The following SNX29 variants were observed in gnomAD, a reference collection of about 807,000 sequenced individuals.
SNX29 encodes sorting nexin 29, also known as sorting nexin-29.
In SNX29, 78 loss-of-function variants were observed where a neutral mutation model predicts 102.1. That is an observed-to-expected ratio of 0.76 (90% CI 0.64 to 0.92). The LOEUF (loss-of-function observed/expected upper bound fraction) is 0.92, where lower values mean the gene tolerates loss of function less well. SNX29 is among the 40% of genes least tolerant of loss of function. SNX29 has a pLI of 0.00. For missense variants in SNX29, 1,280 were observed against 1,061.7 expected (o/e 1.21, Z -2.86); for synonymous variants, 580 against 414.5 (o/e 1.40, Z -4.85).
Position 12,409,256 on chromosome 16 carries a change from G to A in SNX29, c.2037+5727G>A, listed in dbSNP as rs1208826934. On this transcript the variant is annotated intron_variant, in intron 18 of 20. Transcript: ENST00000566228. ...CTCAATCCAGTACCTTGTTTTGCTG[G>A]GTTTTTCTCTTTCTCTTGTTAACAC... Among the ~76,000 whole-genome samples the A allele has an allele frequency of 2.0e-5, 3 of 152,150 alleles. No homozygotes were observed. The East Asian group carries it at 5.8e-4, about 29-fold the overall frequency.
At chr16:12,555,468 T>A (rs981484172) in intron 20 of SNX29, among the ~76,000 whole-genome samples, 1 of 151,130 alleles carries the variant, frequency 6.6e-6, no homozygotes, top group Non-Finnish European at 1.5e-5. Flanking sequence ...CTAGTTGACA[T>A]GTCTGAGGAC....
At chr16:12,017,054 G>A (rs994942590) in intron 3 of SNX29, among the ~76,000 whole-genome samples, 5 of 152,242 alleles carry the variant, frequency 3.3e-5, no homozygotes, top group Non-Finnish European at 5.9e-5. Flanking sequence ...ACTGGGACCC[G>A]GGAGGTCGAG....
At chr16:12,562,008 C>T (rs1215239865) in intron 20 of SNX29, among the ~76,000 whole-genome samples, 1 of 152,180 alleles carries the variant, frequency 6.6e-6, no homozygotes, top group Admixed American at 6.5e-5. Flanking sequence ...CCCTGCAACC[C>T]AGGAGGCCTG....
At chr16:12,400,405 A>G (rs756166219) in intron 17 of SNX29, among the ~76,000 whole-genome samples, 1 of 152,108 alleles carries the variant, frequency 6.6e-6, no homozygotes, top group East Asian at 1.9e-4. Context: ...CCCTACAACA[A>G]CCTTCAGAGA....
At chr16:12,222,518 A>C (rs1162396194) in intron 14 of SNX29, among the ~76,000 whole-genome samples, 1 of 152,184 alleles carries the variant, frequency 6.6e-6, no homozygotes, top group Non-Finnish European at 1.5e-5. Flanking sequence ...AGGCAGGAAG[A>C]AGAGTGGGGC....
chr16:11,980,513 C>T (rs422527), intron 1 of SNX29, among the ~76,000 whole-genome samples: 115,338 of 152,082 alleles, frequency 0.76, 44,719 homozygotes, highest in Non-Finnish European at 0.84. Context: ...CTCTTCATTT[C>T]TCTTGGGCAT....
intron 19 of SNX29, among the ~76,000 whole-genome samples, chr16:12,498,768 C>A (rs923641190): frequency 6.6e-6 from 1 of 152,204 alleles, no homozygotes; most frequent in African/African-American, 2.4e-5. Context: ...ATAAACCAAA[C>A]AGCATAGAAT....
At chr16:11,985,403 A>G (rs925538592) in intron 1 of SNX29, among the ~76,000 whole-genome samples, 1 of 152,208 alleles carries the variant, frequency 6.6e-6, no homozygotes, top group Non-Finnish European at 1.5e-5. Context: ...ACTGATTTCA[A>G]CAGCATGGGA....
intron 16 of SNX29, among the ~76,000 whole-genome samples, chr16:12,382,104 A>G (rs934035329): frequency 6.6e-6 from 1 of 152,180 alleles, no homozygotes; most frequent in South Asian, 2.1e-4. Context: ...CGGGTTCCAC[A>G]TCAAGGGAGG....
chr16:12,390,695 A>G (rs2083499187), intron 16 of SNX29, among the ~76,000 whole-genome samples: 1 of 152,068 alleles, frequency 6.6e-6, no homozygotes, highest in African/African-American at 2.4e-5. Context: ...TTTCTCTGCC[A>G]GGTGCTGGGC....
intron 15 of SNX29, among the ~76,000 whole-genome samples, chr16:12,309,684 G>A (rs1437700798): frequency 2.0e-5 from 3 of 152,172 alleles, no homozygotes; most frequent in Non-Finnish European, 4.4e-5. Flanking sequence ...AGGGAGGTGG[G>A]TTCTCACTCG....
intron 15 of SNX29, among the ~76,000 whole-genome samples, chr16:12,289,862 A>G (rs958989903): frequency 6.6e-6 from 1 of 151,968 alleles, no homozygotes; most frequent in Non-Finnish European, 1.5e-5. Flanking sequence ...CGAGTGAAAG[A>G]GATGTAGTCC....
chr16:12,431,297 A>G (rs1299784644), intron 18 of SNX29, among the ~76,000 whole-genome samples: 2 of 152,014 alleles, frequency 1.3e-5, no homozygotes, highest in Admixed American at 1.3e-4. Flanking sequence ...GTGAAGGTCG[A>G]AACAGTGCAG....
chr16:12,535,145 T>C (rs900636577), intron 20 of SNX29, among the ~76,000 whole-genome samples: 1 of 152,024 alleles, frequency 6.6e-6, no homozygotes, highest in Non-Finnish European at 1.5e-5. Context: ...GCCAGGAGCT[T>C]TTCATTTCTT....
intron 18 of SNX29, among the ~76,000 whole-genome samples, chr16:12,457,404 T>G (rs921884852): frequency 2.6e-5 from 4 of 152,118 alleles, no homozygotes; most frequent in Non-Finnish European, 5.9e-5. Context: ...GAGTGGGGCC[T>G]CCCCACTCTT....
intron 4 of SNX29, among the ~76,000 whole-genome samples, chr16:12,040,018 TAAGTG>T (rs1251965998): frequency 2.0e-5 from 3 of 152,192 alleles, no homozygotes; most frequent in Non-Finnish European, 4.4e-5. Context: ...GAGGCAATGT[TAAGTG>T]AAGAAAATTG....
intron 18 of SNX29, 63 bp downstream of exon 18, chr16:12,403,592 G>C (rs976536526): frequency 1.3e-6 from 2 of 1,494,114 alleles, no homozygotes; most frequent in Non-Finnish European, 1.8e-6. Flanking sequence ...TTGTCATGCT[G>C]TGGTGCTTTT....
chr16:12,442,204 A>G (rs2085838221), intron 18 of SNX29, among the ~76,000 whole-genome samples: 1 of 151,950 alleles, frequency 6.6e-6, no homozygotes, highest in Non-Finnish European at 1.5e-5. Context: ...TGATCTTGGC[A>G]CTCTTGTCAA....
intron 20 of SNX29, among the ~76,000 whole-genome samples, chr16:12,543,959 C>T (rs546054935): frequency 3.3e-5 from 5 of 152,186 alleles, no homozygotes; most frequent in Admixed American, 6.5e-5. Flanking sequence ...AGCCTATCTG[C>T]TGGGAGAAAT....
Sources: allele counts gnomAD v4.1 joint callset (sites outside exome capture counted in the v4.1 genomes callset), GRCh38; gene constraint gnomAD v4.1.1; transcripts MANE v1.5; gene names NCBI Gene and HGNC (gene_info 2026-07-23, HGNC 2026-07-21).